The following TDRD7 variants were observed in gnomAD, a reference collection of about 807,000 sequenced individuals.
TDRD7 encodes the protein tudor domain-containing protein 7.
Under a neutral mutation model 109.8 loss-of-function variants are expected in TDRD7, and 47 were observed. The ratio of observed to expected loss-of-function variants is 0.43; its 90% CI spans 0.34 to 0.55. The LOEUF is 0.55. Among genes scored for constraint, TDRD7 ranks in the 20% least tolerant of loss-of-function variants. The pLI, the probability that TDRD7 is intolerant of heterozygous loss-of-function variation, is 0.03. For missense variants in TDRD7, 1,164 were observed against 1,319.2 expected (o/e 0.88, Z 1.82); for synonymous variants, 424 against 457.3 (o/e 0.93, Z 0.93).
chr9:97,463,299 G>C (rs1441277076), intron 7 of TDRD7, among the ~76,000 whole-genome samples: 1 of 150,994 alleles, frequency 6.6e-6, no homozygotes, highest in Non-Finnish European at 1.5e-5. Flanking sequence ...TATTTCTGAA[G>C]CCAATAATAT....
intron 6 of TDRD7, among the ~76,000 whole-genome samples, chr9:97,442,337 T>G (rs1164007620): frequency 2.0e-5 from 3 of 152,116 alleles, no homozygotes; most frequent in Admixed American, 6.5e-5. Context: ...TTAATTTTTA[T>G]TTTGAAATTA....
At chr9:97,461,792 C>T (rs1343584788) in intron 7 of TDRD7, among the ~76,000 whole-genome samples, 1 of 152,186 alleles carries the variant, frequency 6.6e-6, no homozygotes, top group African/African-American at 2.4e-5. Context: ...TGGGCTCCTT[C>T]AACCAAATGG....
intron 8 of TDRD7, 38 bp from the exon 9 acceptor site, chr9:97,470,520 G>A (rs777224528): frequency 5.8e-6 from 9 of 1,551,830 alleles, no homozygotes; most frequent in Non-Finnish European, 7.1e-6. Flanking sequence ...TTTAAAGAGA[G>A]GATAAAGAAC....
At chr9:97,473,706 A>T in intron 11 of TDRD7, 80 bp downstream of exon 11, 7 of 1,596,156 alleles carry the variant, frequency 4.4e-6, no homozygotes, top group Non-Finnish European at 6.0e-6. Flanking sequence ...CATAAGTATG[A>T]ACAATTTTTT....
At chr9:97,431,117 A>G (rs1369661764) in intron 3 of TDRD7, 43 bp downstream of exon 3, 8 of 1,610,734 alleles carry the variant, frequency 5.0e-6, no homozygotes, top group African/African-American at 1.3e-5. Flanking sequence ...GCTGTCTACG[A>G]ATACATTATC....
In TDRD7 at chr9:97,457,908, C is replaced by A. The variant is rs1828647515; in HGVS notation, c.856-2270C>A. On this transcript the variant is annotated intron_variant, in intron 6 of 16. Transcript: ENST00000355295. ...TGGAAAACCAAACGCCACATGTTCT[C>A]ACTCCTAAGTGGGAGTTGAACATTG... is the stretch of plus-strand genomic sequence containing the variant. 3.9e-5 allele frequency among the ~76,000 whole-genome samples: 6 copies of A among 152,132 alleles called. No individual in the cohort carries two copies. The South Asian group carries it at 1.2e-3, about 32-fold the overall frequency.
chr9:97,492,014 G>A (rs541042956), intron 16 of TDRD7, among the ~76,000 whole-genome samples: 2 of 152,260 alleles, frequency 1.3e-5, no homozygotes, highest in East Asian at 3.9e-4. Context: ...TTACAGTTTA[G>A]GTTTCCCTCC....
At chr9:97,480,096 A>C (rs1284743066) in intron 13 of TDRD7, among the ~76,000 whole-genome samples, 1 of 152,214 alleles carries the variant, frequency 6.6e-6, no homozygotes, top group African/African-American at 2.4e-5. Flanking sequence ...GGGCTCAGAG[A>C]GGAAAAGGAA....
At chr9:97,476,753 A>G (rs1829029503) in intron 12 of TDRD7, among the ~76,000 whole-genome samples, 1 of 152,124 alleles carries the variant, frequency 6.6e-6, no homozygotes, top group Non-Finnish European at 1.5e-5. Flanking sequence ...TTTTGGGGGA[A>G]AAGTATGCAT....
chr9:97,421,698 T>TTGTGTGTGTGTG (rs59218055), intron 1 of TDRD7, among the ~76,000 whole-genome samples: 2 of 142,864 alleles, frequency 1.4e-5, no homozygotes, highest in African/African-American at 2.6e-5. Context: ...TGCCCAGCTT[T>TTGTGTGTGTGTG]TGTGTGTGTG....
chr9:97,480,530 C>T, intron 13 of TDRD7: 1 of 393,804 alleles, frequency 2.5e-6, no homozygotes, highest in Non-Finnish European at 4.8e-6. Flanking sequence ...GAGTCCATTT[C>T]CCCATCTGTG....
In TDRD7 at chr9:97,412,782, C is replaced by T. The variant is rs151175592; in HGVS notation, c.-7+544C>T. ...ATGCAGGACACACATCCCCATTTCTCTCAAACGAGGAGCACCCAGTGGGTA... is the reference window on the plus strand; with the variant it reads ...ATGCAGGACACACATCCCCATTTCTTTCAAACGAGGAGCACCCAGTGGGTA... On this transcript the variant is annotated intron_variant, in intron 1 of 16. Coordinates refer to ENST00000355295, the MANE Select transcript of TDRD7 (RefSeq NM_014290.3). This position sits in a 1 kb window ranked among gnomAD's most constrained non-coding sequence, Gnocchi z 4.3. 3.0e-4 allele frequency among the ~76,000 whole-genome samples: 46 copies of T among 152,288 alleles called. No homozygotes were observed. The highest frequency in any genetic ancestry group is 1.1e-3 in the African/African-American group (44 of 41,554).
At chr9:97,459,106 A>G (rs1461142537) in intron 6 of TDRD7, among the ~76,000 whole-genome samples, 3 of 152,214 alleles carry the variant, frequency 2.0e-5, no homozygotes, top group East Asian at 1.9e-4. Context: ...ACTTCAGTCT[A>G]ATGGTCTCGT....
At position 97,470,643 on chromosome 9, in the gene TDRD7, T is replaced by G. The variant is rs769081054; in HGVS notation, c.1715T>G (p.Phe572Cys). The G allele has an allele frequency of 1.2e-6, 2 of 1,613,902 alleles. No individual in the cohort carries two copies. Among genetic ancestry groups the G allele is most frequent in the South Asian group, 2.2e-5 (2 of 91,080 alleles). The change falls in exon 9 of 17, where the codon TTT becomes TGT. Residue 572 changes from phenylalanine to cysteine, a missense_variant. By Grantham distance (205) the Phe-to-Cys change is radical. Coordinates refer to ENST00000355295, the MANE Select transcript of TDRD7 (RefSeq NM_014290.3). ...AACCCGAAGTTTTGTTCACTCTCATTTCAAGCTACAAAATGTAAGCTTGCA... is the reference window on the plus strand; with the variant it reads ...AACCCGAAGTTTTGTTCACTCTCATGTCAAGCTACAAAATGTAAGCTTGCA... ...KLNPKFCSLS[F>C]QATKCKLAGL...
intron 4 of TDRD7, among the ~76,000 whole-genome samples, chr9:97,436,941 A>C (rs1456636956): frequency 6.6e-6 from 1 of 152,172 alleles, no homozygotes; most frequent in Non-Finnish European, 1.5e-5. Context: ...TATTCACATT[A>C]TTATAACTTC....
chr9:97,487,226 T>G lies in TDRD7; in HGVS notation c.2970T>G (p.Tyr990Ter). 6.2e-7 allele frequency: 1 copy of G among 1,613,998 alleles called. No homozygotes were observed. Among genetic ancestry groups the G allele is most frequent in the East Asian group, 2.2e-5 (1 of 44,882 alleles). ...GILTNGLVSV[Y>*]ELDYGKHELV... ...TGACCAATGGACTGGTATCTGTGTATGAGCTGGATTATGGCAAACACGAAT... is the reference window on the plus strand; with the variant it reads ...TGACCAATGGACTGGTATCTGTGTAGGAGCTGGATTATGGCAAACACGAAT... Residue 990 changes from tyrosine (Y) to a stop codon, truncating the protein, a stop_gained, in exon 16 of 17, where the codon TAT becomes TAG. Coordinates refer to ENST00000355295, the MANE Select transcript of TDRD7 (RefSeq NM_014290.3). LOFTEE classifies it high-confidence loss of function.
chr9:97,472,580 AT>A (rs1828940645), intron 10 of TDRD7, 85 bp downstream of exon 10: 9 of 1,132,634 alleles, frequency 7.9e-6, no homozygotes, highest in Non-Finnish European at 1.1e-5. Context: ...TAGGCTAACA[AT>A]TGATAGAGAC....
intron 7 of TDRD7, among the ~76,000 whole-genome samples, chr9:97,461,363 A>C (rs62557542): frequency 0.065 from 9,962 of 152,278 alleles, 591 homozygotes; most frequent in African/African-American, 0.16. Flanking sequence ...AGAAAAGGCA[A>C]GTGCCCTACA....
In TDRD7 at chr9:97,473,542, G is replaced by T. The variant is rs775501106; in HGVS notation, c.1995G>T (p.Gly665=). 1.7e-5 allele frequency: 27 copies of T among 1,613,690 alleles called. No homozygotes were observed. The highest frequency in any genetic ancestry group is 2.0e-5 in the Non-Finnish European group (24 of 1,179,796). The change falls in exon 11 of 17, where the codon GGG becomes GGT. Residue 665 remains glycine, a synonymous_variant. Coordinates refer to ENST00000355295, the MANE Select transcript of TDRD7 (RefSeq NM_014290.3). The part of the protein sequence containing the change: ...NVKVTNICSD[G]TLYCQVPCKG... ...AAGTAACTAATATTTGCTCTGATGGGACACTCTACTGCCAGGTGCCTTGTA... is the reference window on the plus strand; with the variant it reads ...AAGTAACTAATATTTGCTCTGATGGTACACTCTACTGCCAGGTGCCTTGTA...
Sources: allele counts gnomAD v4.1 joint callset (sites outside exome capture counted in the v4.1 genomes callset), GRCh38; gene constraint gnomAD v4.1.1; non-coding constraint Gnocchi (gnomAD v3.1); transcripts MANE v1.5; gene names NCBI Gene and HGNC (gene_info 2026-07-23, HGNC 2026-07-21).